EPB41L3: variants seen among roughly 807,000 people sequenced by gnomAD.
EPB41L3 encodes erythrocyte membrane protein band 4.1 like 3.
EPB41L3 carries 57 observed loss-of-function variants against 127.1 expected under a neutral mutation model. That is an observed-to-expected ratio of 0.45 (90% CI 0.36 to 0.56). The LOEUF is 0.56. EPB41L3 is among the 20% of genes least tolerant of loss of function. EPB41L3 has a pLI of 0.00. For missense variants in EPB41L3, 1,273 were observed against 1,372.2 expected (o/e 0.93, Z 1.14); for synonymous variants, 572 against 549.5 (o/e 1.04, Z -0.57).
chr18:5,415,839 C>A lies in EPB41L3; in HGVS notation c.2046G>T (p.Pro682=). ...ACACCTCTTCCTCTGAACTGTCACT[C>A]GGGTCATTGTCTAGGGAGGCGCTCA... ...ASLSASLDND[P]SDSSEEETDS... is the part of the protein sequence containing the mutation. The change falls in exon 13 of 23, where the codon CCG becomes CCT. Residue 682 remains proline (P), a synonymous_variant. Transcript: ENST00000341928. 2 of 1,612,720 alleles carry A rather than the reference C, an allele frequency of 1.2e-6. No homozygotes were observed. Among genetic ancestry groups the A allele is most frequent in the South Asian group, 1.1e-5 (1 of 91,026 alleles).
At chr18:5,417,809 T>G (rs1035746323) in intron 12 of EPB41L3, among the ~76,000 whole-genome samples, 1 of 152,164 alleles carries the variant, frequency 6.6e-6, no homozygotes, top group Admixed American at 6.5e-5. Flanking sequence ...GACGGCACTT[T>G]AAACAGGAAC....
intron 9 of EPB41L3, among the ~76,000 whole-genome samples, chr18:5,427,038 C>T (rs920188790): frequency 6.6e-6 from 1 of 152,034 alleles, no homozygotes; most frequent in Non-Finnish European, 1.5e-5. Flanking sequence ...GGTCTTTGCT[C>T]TGTCACCCAG....
chr18:5,524,656 C>G (rs1444884304), intron 1 of EPB41L3, among the ~76,000 whole-genome samples: 1 of 152,216 alleles, frequency 6.6e-6, no homozygotes, highest in Non-Finnish European at 1.5e-5. Context: ...AATCTCTCTT[C>G]TTGGCATCTT....
intron 3 of EPB41L3, among the ~76,000 whole-genome samples, chr18:5,561,256 C>T (rs990071106): frequency 6.6e-6 from 1 of 152,080 alleles, no homozygotes; most frequent in African/African-American, 2.4e-5. Context: ...GGATTATAGG[C>T]GTGAGCCACC....
intron 3 of EPB41L3, among the ~76,000 whole-genome samples, chr18:5,558,717 T>C (rs2094076950): frequency 6.6e-6 from 1 of 152,210 alleles, no homozygotes; most frequent in Non-Finnish European, 1.5e-5. Flanking sequence ...CTTCATGGGG[T>C]TCTTTCAGCA....
intron 8 of EPB41L3, 71 bp from the exon 9 acceptor site, chr18:5,428,536 T>C: frequency 6.4e-7 from 1 of 1,571,358 alleles, no homozygotes; most frequent in South Asian, 1.1e-5. Context: ...GTAAAGTATT[T>C]AAGCATCCAC....
intron 3 of EPB41L3, among the ~76,000 whole-genome samples, chr18:5,578,645 A>C (rs555551117): frequency 6.6e-6 from 1 of 152,214 alleles, no homozygotes; most frequent in African/African-American, 2.4e-5. Context: ...CATAAGCATG[A>C]GAAGTGGTGG....
intron 3 of EPB41L3, among the ~76,000 whole-genome samples, chr18:5,594,157 T>C (rs1203909435): frequency 6.6e-6 from 1 of 152,208 alleles, no homozygotes; most frequent in East Asian, 1.9e-4. Context: ...AATTTATGTT[T>C]ACAGACTGCA....
intron 1 of EPB41L3, among the ~76,000 whole-genome samples, chr18:5,502,741 C>G (rs1243619640): frequency 1.3e-5 from 2 of 152,178 alleles, no homozygotes; most frequent in Non-Finnish European, 2.9e-5. Flanking sequence ...GAAAGTGTCA[C>G]AAGTTTGGGG....
At chr18:5,409,984 T>G (rs1271869990) in intron 14 of EPB41L3, among the ~76,000 whole-genome samples, 1 of 152,172 alleles carries the variant, frequency 6.6e-6, no homozygotes, top group African/African-American at 2.4e-5. Context: ...GATTATATTT[T>G]TTAAAAATAA....
At chr18:5,491,122 G>T (rs2090547768) in intron 1 of EPB41L3, among the ~76,000 whole-genome samples, 3 of 152,214 alleles carry the variant, frequency 2.0e-5, no homozygotes, top group Non-Finnish European at 4.4e-5. Flanking sequence ...GACAACAGAA[G>T]AAAAATGCAC....
chr18:5,424,194 G>T, intron 10 of EPB41L3, 68 bp downstream of exon 10: 1 of 1,080,764 alleles, frequency 9.3e-7, no homozygotes, highest in South Asian at 2.1e-5. Context: ...ATTTTTTATT[G>T]ACAATCTTTT....
chr18:5,608,249 A>C (rs1405251690), intron 3 of EPB41L3, among the ~76,000 whole-genome samples: 1 of 152,170 alleles, frequency 6.6e-6, no homozygotes, highest in African/African-American at 2.4e-5. Context: ...TGACAGTGTG[A>C]CGGGCACACC....
chr18:5,395,752 T>C, intron 19 of EPB41L3, 45 bp from the exon 20 acceptor site: 3 of 1,485,138 alleles, frequency 2.0e-6, no homozygotes, highest in East Asian at 2.3e-5. Flanking sequence ...TGCTCACATC[T>C]GCTCTTCAGA....
intron 6 of EPB41L3, 145 bp from the exon 7 acceptor site, chr18:5,434,266 T>C (rs973246202): frequency 4.7e-5 from 30 of 637,106 alleles, no homozygotes; most frequent in South Asian, 2.1e-4. Context: ...TATATTTTGA[T>C]ATTTACTTCA....
At chr18:5,472,945 G>T (rs1261569955) in intron 3 of EPB41L3, among the ~76,000 whole-genome samples, 1 of 152,064 alleles carries the variant, frequency 6.6e-6, no homozygotes, top group African/African-American at 2.4e-5. Context: ...TCTCTGGATG[G>T]TCTCAAACAA....
At chr18:5,471,292 GCAATTCTGAGTGGCCAAGTCA>G (rs2086100895) in intron 3 of EPB41L3, among the ~76,000 whole-genome samples, 1 of 152,176 alleles carries the variant, frequency 6.6e-6, no homozygotes, top group Non-Finnish European at 1.5e-5. Flanking sequence ...GGTGTCAGTG[GCAATTCTGAGTGGCCAAGTCA>G]CCATCTCACA....
chr18:5,419,913 T>C (rs2077263999), intron 11 of EPB41L3, 36 bp from the exon 12 acceptor site: 1 of 1,613,956 alleles, frequency 6.2e-7, no homozygotes, highest in Non-Finnish European at 8.5e-7. Flanking sequence ...GTATATTTCA[T>C]GGTTTTCATT....
At chr18:5,531,938 T>C (rs779833889) in intron 1 of EPB41L3, among the ~76,000 whole-genome samples, 12 of 152,124 alleles carry the variant, frequency 7.9e-5, no homozygotes, top group Non-Finnish European at 1.5e-4. Flanking sequence ...AAAACACTAT[T>C]ACAAGGAAAG....
Sources: gnomAD v4.1 joint callset for allele counts (sites outside exome capture counted in the v4.1 genomes callset) on GRCh38, gnomAD v4.1.1 for gene constraint, MANE v1.5 for transcripts, NCBI Gene and HGNC (gene_info 2026-07-23, HGNC 2026-07-21) for gene names.